SSBP2: variants seen among roughly 807,000 people sequenced by gnomAD.
SSBP2 encodes the protein single stranded DNA binding protein 2.
SSBP2 carries 17 observed loss-of-function variants against 61.8 expected under a neutral mutation model. The ratio of observed to expected loss-of-function variants is 0.28; its 90% CI spans 0.19 to 0.41. The LOEUF (loss-of-function observed/expected upper bound fraction) is 0.41, where lower values mean the gene tolerates loss of function less well. Ranked by LOEUF, SSBP2 falls within the 10% of genes least tolerant of loss-of-function variation. SSBP2 has a pLI of 1.00. For synonymous variants in SSBP2, 139 were observed against 141.3 expected, an observed-to-expected ratio of 0.98 and a Z score of 0.12; for missense variants, 310 against 458.7, an observed-to-expected ratio of 0.68 and a Z score of 2.96.
chr5:81,708,934 T>C (rs1262063865), intron 1 of SSBP2, among the ~76,000 whole-genome samples: 1 of 151,974 alleles, frequency 6.6e-6, no homozygotes, highest in East Asian at 1.9e-4. Flanking sequence ...ACTCTTATTG[T>C]GATTACATTT....
At chr5:81,447,008 T>C (rs1763447014) in intron 11 of SSBP2, 86 bp from the exon 12 acceptor site, 2 of 912,388 alleles carry the variant, frequency 2.2e-6, no homozygotes, top group African/African-American at 1.7e-5. Context: ...ATAATCCAAT[T>C]TGAAAATAAG....
At chr5:81,673,223 G>A (rs916731926) in intron 1 of SSBP2, among the ~76,000 whole-genome samples, 5 of 152,176 alleles carry the variant, frequency 3.3e-5, no homozygotes, top group East Asian at 3.8e-4. Context: ...AAGCTAAGAC[G>A]TCTTGACTTC....
intron 4 of SSBP2, among the ~76,000 whole-genome samples, chr5:81,595,745 T>C (rs1172296296): frequency 6.6e-6 from 1 of 152,172 alleles, no homozygotes. Context: ...AAAAACCACA[T>C]GATTATCTCA....
intron 4 of SSBP2, among the ~76,000 whole-genome samples, chr5:81,528,469 A>G (rs1770130567): frequency 1.3e-5 from 2 of 152,078 alleles, no homozygotes; most frequent in South Asian, 2.1e-4. Context: ...AGTTATGAAC[A>G]TGAATCAATG....
At chr5:81,664,039 C>A (rs1750911768) in intron 1 of SSBP2, among the ~76,000 whole-genome samples, 2 of 152,056 alleles carry the variant, frequency 1.3e-5, no homozygotes, top group South Asian at 4.1e-4. Context: ...TTCCTAATTT[C>A]TCTTGAAATT....
chr5:81,431,384 T>C (rs568299883), intron 15 of SSBP2, among the ~76,000 whole-genome samples: 1 of 152,280 alleles, frequency 6.6e-6, no homozygotes, highest in Non-Finnish European at 1.5e-5. Context: ...AGAAATTTTA[T>C]TACATTCTCA....
chr5:81,740,599 G>T (rs1035190016), intron 1 of SSBP2, among the ~76,000 whole-genome samples: 2 of 152,116 alleles, frequency 1.3e-5, no homozygotes, highest in African/African-American at 4.8e-5. Context: ...GCCATACGCT[G>T]CTTGGAAGAG....
At position 81,420,162 on chromosome 5, in the gene SSBP2, A is replaced by G. The variant is rs3208679; in HGVS notation, c.*342T>C. 2.2e-5 allele frequency: 5 copies of G among 228,826 alleles called. No homozygotes were observed. The highest frequency in any genetic ancestry group is 5.5e-5 in the Admixed American group (1 of 18,092). The allele number at this position is 228,826 out of a possible 1,614,324, so 14.2% of individuals were successfully genotyped here. A position where few individuals can be genotyped will look rare whatever the true frequency, so the allele number is the denominator to read the frequency against. ...TTATTTCTACTTAAGATGTCATGTG[A>G]TAATATTTTACAATGTCCTGTGGGT... On this transcript the variant is annotated 3_prime_UTR_variant, in exon 17 of 17. Coordinates refer to ENST00000320672, the MANE Select transcript of SSBP2 (RefSeq NM_012446.5).
intron 1 of SSBP2, among the ~76,000 whole-genome samples, chr5:81,710,268 G>A (rs933053962): frequency 2.0e-5 from 3 of 152,014 alleles, no homozygotes; most frequent in African/African-American, 7.2e-5. Flanking sequence ...AGATACCTTG[G>A]AAGAAAAATG....
At chr5:81,744,108 T>C (rs1757205451) in intron 1 of SSBP2, among the ~76,000 whole-genome samples, 1 of 152,214 alleles carries the variant, frequency 6.6e-6, no homozygotes, top group South Asian at 2.1e-4. Context: ...TTAAATGAGA[T>C]AATGCAGACA....
chr5:81,537,891 A>G (rs576870559), intron 4 of SSBP2, among the ~76,000 whole-genome samples: 1 of 152,282 alleles, frequency 6.6e-6, no homozygotes, highest in Admixed American at 6.5e-5. Context: ...CTAAGTGTTC[A>G]TGCAAAAGGA....
intron 5 of SSBP2, among the ~76,000 whole-genome samples, chr5:81,493,251 C>CAGATAGAT (rs66763000): frequency 0.053 from 7,689 of 145,540 alleles, 228 homozygotes; most frequent in East Asian, 0.075. Context: ...ATGAACAAAA[C>CAGATAGAT]AGATAGATAG....
intron 1 of SSBP2, among the ~76,000 whole-genome samples, chr5:81,659,314 A>C (rs1750488568): frequency 1.3e-5 from 2 of 152,220 alleles, no homozygotes; most frequent in African/African-American, 4.8e-5. Flanking sequence ...CAACTTCAGC[A>C]AAGTCTCAGG....
chr5:81,425,718 GATCT>G (rs1434609020), intron 16 of SSBP2, among the ~76,000 whole-genome samples: 1 of 151,050 alleles, frequency 6.6e-6, no homozygotes. Context: ...TCTTGGTTGT[GATCT>G]TAAAAAAAAA....
intron 4 of SSBP2, among the ~76,000 whole-genome samples, chr5:81,594,666 C>T (rs1284317231): frequency 1.3e-5 from 2 of 152,154 alleles, no homozygotes; most frequent in African/African-American, 4.8e-5. Context: ...TGCAATCAAA[C>T]TAGAACTCAG....
chr5:81,488,030 T>TTATATATATATA (rs1766527884), intron 6 of SSBP2, among the ~76,000 whole-genome samples: 1 of 17,642 alleles, frequency 5.7e-5, no homozygotes, highest in Non-Finnish European at 1.2e-4. Context: ...TATATATATA[T>TTATATATATATA]ATATATATAT....
At chr5:81,731,181 T>C (rs1246518324) in intron 1 of SSBP2, among the ~76,000 whole-genome samples, 2 of 152,232 alleles carry the variant, frequency 1.3e-5, no homozygotes, top group Non-Finnish European at 2.9e-5. Flanking sequence ...GTACAATATC[T>C]ATCTCATTGG....
At position 81,555,516 on chromosome 5, in the gene SSBP2, A is replaced by G. The variant is rs116988627; in HGVS notation, c.283-41799T>C. Among the ~76,000 whole-genome samples the G allele has an allele frequency of 7.0e-4, 107 of 152,168 alleles. 6 individuals carry two copies. The East Asian group carries it at 0.021, about 29-fold the overall frequency. On this transcript the variant is annotated intron_variant, in intron 4 of 16. Transcript: ENST00000320672. ...TTGGCAACTTGAGCATTTTCCTTAT[A>G]CATCTTCCAGGATGCCTCATCTTTG...
chr5:81,616,571 CG>C (rs1486829267), intron 3 of SSBP2: 2 of 148,236 alleles, frequency 1.3e-5, no homozygotes, highest in Admixed American at 1.3e-4. Flanking sequence ...ACAAAGCAGC[CG>C]GGAAGCTCGA....
Sources: gnomAD v4.1 joint callset for allele counts (sites outside exome capture counted in the v4.1 genomes callset) on GRCh38, gnomAD v4.1.1 for gene constraint, MANE v1.5 for transcripts, NCBI Gene and HGNC (gene_info 2026-07-23, HGNC 2026-07-21) for gene names.